Variants in GUCY2D observed in about 807,000 individuals in gnomAD.
GUCY2D encodes the protein retinal guanylyl cyclase 1.
In GUCY2D, 70 loss-of-function variants were observed where a neutral mutation model predicts 101.3. The observed-to-expected ratio is 0.69, with a 90% CI of 0.57 to 0.84. The LOEUF (loss-of-function observed/expected upper bound fraction) is 0.84, where lower values mean the gene tolerates loss of function less well. Ranked by LOEUF, GUCY2D falls within the 40% of genes least tolerant of loss-of-function variation. GUCY2D has a pLI of 0.00. For synonymous variants in GUCY2D, 688 were observed against 670.7 expected, an observed-to-expected ratio of 1.03 and a Z score of -0.40; for missense variants, 1,460 against 1,542.5, an observed-to-expected ratio of 0.95 and a Z score of 0.90.
At position 8,011,177 on chromosome 17, in the gene GUCY2D, G is replaced by A. The variant is rs955911301; in HGVS notation, c.1750-967G>A. 1.3e-5 allele frequency among the ~76,000 whole-genome samples: 2 copies of A among 151,310 alleles called. No homozygotes were observed. The highest frequency in any genetic ancestry group is 3.0e-5 in the Non-Finnish European group (2 of 67,786). On this transcript the variant is annotated intron_variant, in intron 8 of 19. Transcript: ENST00000254854. This position sits in a 1 kb window ranked among gnomAD's most constrained non-coding sequence, Gnocchi z 4.3. ...ATGGACCACCTGAGGTCAGGAGTTC[G>A]AGACCAGACTGGCCAACATAGCAAA... is the stretch of plus-strand genomic sequence containing the variant.
In GUCY2D at chr17:8,014,955, C is replaced by T; in HGVS notation, c.2673C>T (p.Thr891=). ...LYFSDIVGFT[T]ISAMSEPIEV... The stretch of plus-strand genomic sequence containing the variant: ...TTAGTGACATTGTGGGCTTCACCAC[C>T]ATCTCTGCCATGAGTGAGCCCATTG... Residue 891 remains threonine (T), a synonymous_variant, in exon 14 of 20, where the codon ACC becomes ACT. Coordinates refer to ENST00000254854, the MANE Select transcript of GUCY2D (RefSeq NM_000180.4). The surrounding 1 kb of genome is among the most constrained non-coding windows in gnomAD (Gnocchi z 4.0). 6.2e-7 allele frequency: 1 copy of T among 1,613,786 alleles called. No homozygotes were observed. The highest frequency in any genetic ancestry group is 1.1e-5 in the South Asian group (1 of 91,082).
intron 18 of GUCY2D, 52 bp from the exon 19 acceptor site, chr17:8,016,391 G>T: frequency 7.0e-7 from 1 of 1,433,304 alleles, no homozygotes; most frequent in Non-Finnish European, 9.6e-7. Context: ...CGTGGGCCCT[G>T]CCCTCCCACG....
chr17:8,010,333 A>G (rs1464662028), intron 8 of GUCY2D, among the ~76,000 whole-genome samples: 1 of 152,214 alleles, frequency 6.6e-6, no homozygotes, highest in Non-Finnish European at 1.5e-5. Context: ...AGGAGGCTGT[A>G]AATGGCTTAT....
intron 3 of GUCY2D, among the ~76,000 whole-genome samples, chr17:8,005,136 C>T (rs962133971): frequency 3.9e-5 from 6 of 152,144 alleles, no homozygotes; most frequent in Middle Eastern, 3.2e-3. Flanking sequence ...AATTCTTCGC[C>T]CCCACTTCCA....
chr17:8,003,367 C>T lies in GUCY2D; in HGVS notation c.320C>T (p.Thr107Met), dbSNP rs1975670368. The change falls in exon 2 of 20, where the codon ACG becomes ATG. Residue 107 changes from threonine to methionine, a missense_variant. Coordinates refer to ENST00000254854, the MANE Select transcript of GUCY2D (RefSeq NM_000180.4). ...GCGCTGCTGCCCGAGCCTTGCCGGACGCCGGGCTCGCTGGGGGCCGTGTCC... is the reference window on the plus strand; with the variant it reads ...GCGCTGCTGCCCGAGCCTTGCCGGATGCCGGGCTCGCTGGGGGCCGTGTCC... ...EVALLPEPCR[T>M]PGSLGAVSSA... The T allele has an allele frequency of 6.8e-7, 1 of 1,465,768 alleles. No homozygotes were observed. Among genetic ancestry groups the T allele is most frequent in the South Asian group, 1.3e-5 (1 of 76,514 alleles). 90.8% of individuals were successfully genotyped at this position (1,465,768 alleles called of 1,614,324 possible). A position where few individuals can be genotyped will look rare whatever the true frequency, so the allele number is the denominator to read the frequency against.
rs978676705 is a variant in GUCY2D at position 8,011,116 on chromosome 17, C to T, written c.1750-1028C>T. On this transcript the variant is annotated intron_variant, in intron 8 of 19. Transcript: ENST00000254854. The surrounding 1 kb of genome is among the most constrained non-coding windows in gnomAD (Gnocchi z 4.3). ...GCTTCAGGCCGGGCACCGTGGCTCACGCCTGTAATCCCAGCACTTTGGGAG... is the reference window on the plus strand; with the variant it reads ...GCTTCAGGCCGGGCACCGTGGCTCATGCCTGTAATCCCAGCACTTTGGGAG... Among the ~76,000 whole-genome samples, 3 of 152,232 alleles carry T rather than the reference C, an allele frequency of 2.0e-5. No individual in the cohort carries two copies. Among genetic ancestry groups the T allele is most frequent in the South Asian group, 2.1e-4 (1 of 4,830 alleles).
At chr17:8,005,867 T>G (rs1050132751) in intron 3 of GUCY2D, among the ~76,000 whole-genome samples, 4 of 152,096 alleles carry the variant, frequency 2.6e-5, no homozygotes, top group Admixed American at 1.3e-4. Context: ...ATAGAGAAGG[T>G]TTTTTGTTTG....
chr17:8,012,019 AT>A, intron 8 of GUCY2D, 124 bp from the exon 9 acceptor site: 1 of 736,038 alleles, frequency 1.4e-6, no homozygotes, highest in Non-Finnish European at 2.5e-6. Context: ...CTTATCAACC[AT>A]TTCATCCACC....
chr17:8,007,555 A>G (rs769214729), intron 6 of GUCY2D, 27 bp downstream of exon 6: 1 of 1,414,060 alleles, frequency 7.1e-7, no homozygotes, highest in South Asian at 1.1e-5. Flanking sequence ...GGCAGGAGCC[A>G]GTTGTCTTCT....
At chr17:8,012,689 C>A in intron 10 of GUCY2D, 83 bp downstream of exon 10, 1 of 1,073,358 alleles carries the variant, frequency 9.3e-7, no homozygotes, top group Non-Finnish European at 1.4e-6. Context: ...CCTACCTCTG[C>A]CCTCGCACTC....
In GUCY2D at chr17:8,015,322, C is replaced by G; in HGVS notation, c.2770-6C>G. On this transcript the variant is annotated splice_region_variant and splice_polypyrimidine_tract_variant and intron_variant, in intron 14 of 19. Coordinates refer to ENST00000254854, the MANE Select transcript of GUCY2D (RefSeq NM_000180.4). ...AGAAAATTCACACAACTCCTTCTTC[C>G]CCCAGGTGGAGACAATAGGGGACGC... The G allele has an allele frequency of 6.2e-7, 1 of 1,604,064 alleles. No homozygotes were observed. Among genetic ancestry groups the G allele is most frequent in the Non-Finnish European group, 8.5e-7 (1 of 1,179,510 alleles).
Position 8,014,114 on chromosome 17 carries a change from A to G in GUCY2D, c.2412+86A>G, listed in dbSNP as rs777208445. ...CAACCTGAGACAGCTGCAGACAGGC[A>G]GGCTGGCAGGACCTCTGGCCTTCCA... is the stretch of plus-strand genomic sequence containing the variant. On this transcript the variant is annotated intron_variant, in intron 12 of 19. Coordinates refer to ENST00000254854, the MANE Select transcript of GUCY2D (RefSeq NM_000180.4). This position sits in a 1 kb window ranked among gnomAD's most constrained non-coding sequence, Gnocchi z 4.0. 1.3e-5 allele frequency: 17 copies of G among 1,272,060 alleles called. No homozygotes were observed. The highest frequency in any genetic ancestry group is 1.8e-5 in the Non-Finnish European group (16 of 880,448). 78.8% of individuals were successfully genotyped at this position (1,272,060 alleles called of 1,614,324 possible).
rs1159190661 is a variant in GUCY2D at position 8,013,032 on chromosome 17, G to A, written c.2114-71G>A. The stretch of plus-strand genomic sequence containing the variant: ...GCTGCAGGGTTGGTGGTGTCTGGGT[G>A]CCAACCTGGGCTTTCTGGTGAGGGT... On this transcript the variant is annotated intron_variant, in intron 10 of 19. Coordinates refer to ENST00000254854, the MANE Select transcript of GUCY2D (RefSeq NM_000180.4). The surrounding 1 kb of genome is among the most constrained non-coding windows in gnomAD (Gnocchi z 5.0). 19 of 1,471,462 alleles carry A rather than the reference G, an allele frequency of 1.3e-5. No individual in the cohort carries two copies. The highest frequency in any genetic ancestry group is 1.8e-5 in the Non-Finnish European group (19 of 1,068,720). The allele number at this position is 1,471,462 out of a possible 1,614,324, so 91.2% of individuals were successfully genotyped here.
Position 8,013,594 on chromosome 17 carries a change from C to A in GUCY2D, c.2264-286C>A, listed in dbSNP as rs1213157570. 2 of 578,770 alleles carry A rather than the reference C, an allele frequency of 3.5e-6. No homozygotes were observed. Among genetic ancestry groups the A allele is most frequent in the South Asian group, 2.0e-5 (1 of 48,836 alleles). 35.9% of individuals were successfully genotyped at this position (578,770 alleles called of 1,614,324 possible). The stretch of plus-strand genomic sequence containing the variant: ...CATCCCTTCTGCACAGGACTCTGAG[C>A]AAACTACTTGATCACCTATCCCTCA... On this transcript the variant is annotated intron_variant, in intron 11 of 19. Coordinates refer to ENST00000254854, the MANE Select transcript of GUCY2D (RefSeq NM_000180.4). The surrounding 1 kb of genome is among the most constrained non-coding windows in gnomAD (Gnocchi z 5.0).
At chr17:8,016,319 A>T (rs375319109) in intron 18 of GUCY2D, 29 bp downstream of exon 18, 9 of 1,492,586 alleles carry the variant, frequency 6.0e-6, no homozygotes, top group Non-Finnish European at 7.3e-6. Context: ...CGGCAGGGCG[A>T]GGGACGAGGG....
In GUCY2D at chr17:8,003,675, C is replaced by T; in HGVS notation, c.628C>T (p.Leu210=). 5 of 1,596,544 alleles carry T rather than the reference C, an allele frequency of 3.1e-6. No individual in the cohort carries two copies. The highest frequency in any genetic ancestry group is 4.2e-6 in the Non-Finnish European group (5 of 1,178,788). Residue 210 remains leucine, a synonymous_variant, in exon 2 of 20, where the codon CTG becomes TTG. Transcript: ENST00000254854. ...GTCCACGGCACTCAGGGCCCGGGGC[C>T]TGCCTGTCGCCTCCGTGACTTCCAT... ...SLSTALRARG[L]PVASVTSMEP...
In GUCY2D at chr17:8,007,942, G is replaced by C. The variant is rs747095961; in HGVS notation, c.1578G>C (p.Gly526=). ...HGGTSRKVAQ[G]SRSSLGARSM... ...CCTCTACCTGCTAGGTGGCCCAGGG[G>C]AGTCGATCAAGTCTGGGTGCCCGCA... Residue 526 remains glycine (G), a synonymous_variant, in exon 7 of 20, where the codon GGG becomes GGC. Coordinates refer to ENST00000254854, the MANE Select transcript of GUCY2D (RefSeq NM_000180.4). The C allele has an allele frequency of 6.2e-7, 1 of 1,611,088 alleles. No homozygotes were observed. The highest frequency in any genetic ancestry group is 1.7e-5 in the Admixed American group (1 of 60,008).
At chr17:8,009,654 G>T in intron 8 of GUCY2D, 68 bp downstream of exon 8, 1 of 1,021,144 alleles carries the variant, frequency 9.8e-7, no homozygotes, top group African/African-American at 1.6e-5. Context: ...TCTCTTTGCA[G>T]CTGGGTACAG....
rs748946901 is a variant in GUCY2D at position 8,007,962 on chromosome 17, C to T, written c.1598C>T (p.Ala533Val). Reference sequence around the variant, plus strand: ...CAGGGGAGTCGATCAAGTCTGGGTGCCCGCAGCATGTCAGACATTCGCAGC... The same window carrying T: ...CAGGGGAGTCGATCAAGTCTGGGTGTCCGCAGCATGTCAGACATTCGCAGC... ...VAQGSRSSLG[A>V]RSMSDIRSGP... The change falls in exon 7 of 20, where the codon GCC becomes GTC. Residue 533 changes from alanine (A) to valine (V), a missense_variant. This residue lies in a region of GUCY2D where 1,196 missense variants were observed against 1,229.6 expected (regional missense o/e 0.97). Transcript: ENST00000254854. The T allele has an allele frequency of 5.6e-6, 9 of 1,613,484 alleles. No homozygotes were observed. In the South Asian group the frequency reaches 8.8e-5, roughly 16 times the overall value.
Sources: allele counts gnomAD v4.1 joint callset (sites outside exome capture counted in the v4.1 genomes callset), GRCh38; gene constraint gnomAD v4.1.1; regional missense constraint gnomAD v4.1.1; non-coding constraint Gnocchi (gnomAD v3.1); transcripts MANE v1.5; gene names NCBI Gene and HGNC (gene_info 2026-07-23, HGNC 2026-07-21).